The following SPATA13 variants were observed in gnomAD, a reference collection of about 807,000 sequenced individuals.
SPATA13 encodes the protein spermatogenesis-associated protein 13.
In SPATA13, 50 loss-of-function variants were observed where a neutral mutation model predicts 104.0. The ratio of observed to expected loss-of-function variants is 0.48; its 90% CI spans 0.38 to 0.61. SPATA13 has a LOEUF of 0.61. Ranked by LOEUF, SPATA13 falls within the 20% of genes least tolerant of loss-of-function variation. The pLI is 0.00. For synonymous variants in SPATA13, 606 were observed against 667.5 expected (o/e 0.91, Z 1.42); for missense variants, 1,524 against 1,690.6 (o/e 0.90, Z 1.73).
At chr13:23,980,619 G>A (rs1874840207) in intron 1 of SPATA13, among the ~76,000 whole-genome samples, 1 of 152,172 alleles carries the variant, frequency 6.6e-6, no homozygotes, top group African/African-American at 2.4e-5. Context: ...TTTTGAGACA[G>A]TCTTACTTTG....
chr13:24,107,736 A>G (rs1448888278), intron 3 of SPATA13, among the ~76,000 whole-genome samples: 1 of 152,212 alleles, frequency 6.6e-6, no homozygotes, highest in Non-Finnish European at 1.5e-5. Context: ...GGGAGTTCCC[A>G]GATCCCAGAG....
intron 3 of SPATA13, among the ~76,000 whole-genome samples, chr13:24,131,146 C>T (rs1046476532): frequency 2.0e-5 from 3 of 152,184 alleles, no homozygotes; most frequent in African/African-American, 4.8e-5. Flanking sequence ...TGAACAGTAG[C>T]TGTATTATTT....
At chr13:24,073,434 T>C (rs4770568) in intron 3 of SPATA13, among the ~76,000 whole-genome samples, 21,973 of 152,252 alleles carry the variant, frequency 0.14, 1,943 homozygotes, top group East Asian at 0.31. Context: ...CTATCTGTCA[T>C]ATGTTAGAAA....
chr13:24,242,032 A>G (rs1405226676), intron 2 of SPATA13, among the ~76,000 whole-genome samples: 3 of 151,862 alleles, frequency 2.0e-5, no homozygotes, highest in African/African-American at 7.3e-5. Flanking sequence ...AATCTGAATG[A>G]CAGAGTGAGA....
At chr13:24,175,248 T>G (rs1039837120) in intron 1 of SPATA13, among the ~76,000 whole-genome samples, 3 of 152,016 alleles carry the variant, frequency 2.0e-5, no homozygotes, top group African/African-American at 7.2e-5. Flanking sequence ...TTAATTTGTT[T>G]TTGTTGTTGT....
Position 24,130,278 on chromosome 13 carries a change from G to C in SPATA13, c.-111-92541G>C, listed in dbSNP as rs529493399. Among the ~76,000 whole-genome samples the C allele has an allele frequency of 1.4e-3, 208 of 152,320 alleles. 2 individuals are homozygous for C. The highest frequency in any genetic ancestry group is 4.9e-3 in the African/African-American group (204 of 41,588). On this transcript the variant is annotated intron_variant, in intron 3 of 14. Transcript: ENST00000424834. The stretch of plus-strand genomic sequence containing the variant: ...TTCACACACACGGCCAGTGGGACTA[G>C]GACTAAGTGAGCAGAGCCCAGTTCT...
intron 2 of SPATA13, among the ~76,000 whole-genome samples, chr13:23,989,447 T>A (rs1322397597): frequency 6.6e-6 from 1 of 152,060 alleles, no homozygotes; most frequent in Non-Finnish European, 1.5e-5. Context: ...TTACTCAAGT[T>A]ATCTTTTAAA....
chr13:24,011,051 T>C lies in SPATA13; in HGVS notation c.-146-6616T>C, dbSNP rs1437455169. On this transcript the variant is annotated intron_variant, in intron 2 of 14. Coordinates refer to the SPATA13 transcript ENST00000424834. The surrounding 1 kb of genome is among the most constrained non-coding windows in gnomAD (Gnocchi z 4.3). ...TGCACCCATACTGCTGGGATATGCC[T>C]GCACTCTGCAGTTTGCTGACTCCTC... Among the ~76,000 whole-genome samples, 1 of 152,178 alleles carries C rather than the reference T, an allele frequency of 6.6e-6. No individual in the cohort carries two copies. The highest frequency in any genetic ancestry group is 1.5e-5 in the Non-Finnish European group (1 of 68,028).
chr13:24,094,295 A>T (rs570452870), intron 3 of SPATA13, among the ~76,000 whole-genome samples: 5 of 152,360 alleles, frequency 3.3e-5, no homozygotes, highest in African/African-American at 1.2e-4. Flanking sequence ...GTTAACATAG[A>T]AAAACCAGGT....
In SPATA13 at chr13:24,035,638, GTGTCACTGAGT is replaced by G. The variant is rs563337340; in HGVS notation, c.-112+17941_-112+17951del. On this transcript the variant is annotated intron_variant, in intron 3 of 14. Coordinates refer to the SPATA13 transcript ENST00000424834. Reference sequence around the variant, plus strand: ...CAGAAAAACCTGATTCACAGGAGGCGTGTCACTGAGTTGTACTTAGTTTATATAAAGCAATG... The same window carrying G: ...CAGAAAAACCTGATTCACAGGAGGCGTGTACTTAGTTTATATAAAGCAATG... Among the ~76,000 whole-genome samples, 218 of 152,296 alleles carry G rather than the reference GTGTCACTGAGT, an allele frequency of 1.4e-3. 4 individuals are homozygous for G. The highest frequency in any genetic ancestry group is 5.1e-3 in the African/African-American group (212 of 41,534).
chr13:24,108,507 A>G (rs1182046499), intron 3 of SPATA13, among the ~76,000 whole-genome samples: 1 of 152,152 alleles, frequency 6.6e-6, no homozygotes, highest in Non-Finnish European at 1.5e-5. Flanking sequence ...GTGAAACGGG[A>G]CCTGCCTACT....
At chr13:24,052,815 C>A (rs1223101749) in intron 3 of SPATA13, among the ~76,000 whole-genome samples, 2 of 149,050 alleles carry the variant, frequency 1.3e-5, no homozygotes, top group Non-Finnish European at 3.0e-5. Flanking sequence ...TGCAGCACTT[C>A]CCCCTGCCGC....
At chr13:24,276,973 C>A (rs1875033489) in intron 4 of SPATA13, among the ~76,000 whole-genome samples, 1 of 152,184 alleles carries the variant, frequency 6.6e-6, no homozygotes, top group Admixed American at 6.5e-5. Context: ...GCTATTTCCC[C>A]ATCAGCAATT....
At chr13:24,127,320 C>G (rs569605379) in intron 3 of SPATA13, among the ~76,000 whole-genome samples, 53 of 152,284 alleles carry the variant, frequency 3.5e-4, no homozygotes, top group Non-Finnish European at 6.2e-4. Context: ...GACCTTTAGT[C>G]AAGAGACAAA....
intron 3 of SPATA13, among the ~76,000 whole-genome samples, chr13:24,101,995 C>A (rs1227936122): frequency 6.6e-6 from 1 of 152,106 alleles, no homozygotes; most frequent in Non-Finnish European, 1.5e-5. Context: ...TGGATATATA[C>A]CCAGAAGTAG....
intron 1 of SPATA13, among the ~76,000 whole-genome samples, chr13:24,207,223 TG>T (rs919853012): frequency 5.3e-5 from 8 of 152,034 alleles, no homozygotes; most frequent in African/African-American, 1.9e-4. Flanking sequence ...GTCTGAGGGT[TG>T]GGGATGCAAG....
intron 3 of SPATA13, among the ~76,000 whole-genome samples, chr13:24,094,401 G>A (rs1251014624): frequency 1.3e-5 from 2 of 152,148 alleles, no homozygotes. Flanking sequence ...TGTAGGGGAG[G>A]ATTAGATAAC....
rs541323734 is a variant in SPATA13 at position 24,223,265 on chromosome 13, A to G, written c.336A>G (p.Gly112=). 850 of 1,551,582 alleles carry G rather than the reference A, an allele frequency of 5.5e-4. No homozygotes were observed. Among genetic ancestry groups the G allele is most frequent in the Non-Finnish European group, 6.7e-4 (772 of 1,147,012 alleles). ...CCCTCGCCTCCTTCCGGAAAATGGG[A>G]TCCTTTAAGAAACTGAAGTCCTCAG... ...WNTLASFRKM[G]SFKKLKSSVL... The change falls in exon 2 of 13, where the codon GGA becomes GGG. Residue 112 remains glycine (G), a synonymous_variant. Coordinates refer to ENST00000382108, the MANE Select transcript of SPATA13 (RefSeq NM_001166271.3).
chr13:24,041,271 G>T (rs181386244), intron 3 of SPATA13, among the ~76,000 whole-genome samples: 1 of 152,206 alleles, frequency 6.6e-6, no homozygotes, highest in Non-Finnish European at 1.5e-5. Flanking sequence ...TGTTATATAA[G>T]TTATTTGGAT....
Sources: allele counts gnomAD v4.1 joint callset (sites outside exome capture counted in the v4.1 genomes callset), GRCh38; gene constraint gnomAD v4.1.1; non-coding constraint Gnocchi (gnomAD v3.1); transcripts MANE v1.5; gene names NCBI Gene and HGNC (gene_info 2026-07-23, HGNC 2026-07-21).